STAG3: variants seen among roughly 807,000 people sequenced by gnomAD.
STAG3 encodes the protein cohesin subunit SA-3.
In STAG3, 101 loss-of-function variants were observed where a neutral mutation model predicts 160.7. That is an observed-to-expected ratio of 0.63 (90% confidence interval 0.54 to 0.74). STAG3 has a LOEUF of 0.74. Ranked by LOEUF, STAG3 falls within the 30% of genes least tolerant of loss-of-function variation. STAG3 has a pLI of 0.00. For synonymous variants in STAG3, 519 were observed against 585.0 expected (o/e 0.89, Z 1.63); for missense variants, 1,188 against 1,517.4 (o/e 0.78, Z 3.61).
Position 100,202,504 on chromosome 7 carries a change from C to T in STAG3, c.2614C>T (p.Arg872Cys), listed in dbSNP as rs748197666. ...LQIERLHQRR[R>C]LLAGFCKLLL... is the part of the protein sequence containing the mutation. ...GATAGAGCGGCTACACCAGCGGCGC[C>T]GCCTCCTAGCCGGGTTCTGCAAGCT... The change falls in exon 25 of 34, where the codon CGC becomes TGC. Residue 872 changes from arginine (R) to cysteine (C), a missense_variant. Around this residue, in one of 4 missense-constraint regions of STAG3, gnomAD observed 647 missense variants for 717.2 expected, o/e 0.90. Coordinates refer to ENST00000615138, the MANE Select transcript of STAG3 (RefSeq NM_001282717.2). 4.2e-5 allele frequency: 67 copies of T among 1,614,064 alleles called. No homozygotes were observed. The highest frequency in any genetic ancestry group is 8.3e-5 in the Admixed American group (5 of 59,998).
chr7:100,214,936 A>G (rs1433886691), downstream of STAG3: 3 of 151,964 alleles, frequency 2.0e-5, no homozygotes, highest in African/African-American at 4.8e-5. Flanking sequence ...TCTCTGGCCT[A>G]TGTCCTCCAC....
chr7:100,197,225 G>A lies in STAG3; in HGVS notation c.1011G>A (p.Thr337=), dbSNP rs145604769. The change falls in exon 10 of 34, where the codon ACG becomes ACA. Residue 337 remains threonine, a synonymous_variant. Transcript: ENST00000615138. ...GGTGTTGGATGCAAAGCTACAGCACGTCTTTCCTCACCGACAGCTATTTAA... is the reference window on the plus strand; with the variant it reads ...GGTGTTGGATGCAAAGCTACAGCACATCTTTCCTCACCGACAGCTATTTAA... ...EIGCWMQSYS[T]SFLTDSYLKY... is the part of the protein sequence containing the mutation. 2.0e-4 allele frequency: 317 copies of A among 1,602,384 alleles called. No homozygotes were observed. In the African/African-American group the frequency reaches 2.9e-3, roughly 15 times the overall value.
rs1802149947 is a variant in STAG3 at position 100,211,059 on chromosome 7, G to A, written c.3287G>A (p.Ser1096Asn). 2.5e-6 allele frequency: 4 copies of A among 1,613,988 alleles called. No homozygotes were observed. The East Asian group carries it at 8.9e-5, about 36-fold the overall frequency. ...GACGTCTCCTCGTCCCAGGAAGAAA[G>A]TCTGCAGCTGAACAGCATCCCGCCC... Reference protein sequence around the residue: ...REDVSSSQEESLQLNSIPPTP... With the variant: ...REDVSSSQEENLQLNSIPPTP... Residue 1096 changes from serine to asparagine, a missense_variant, in exon 30 of 34, where the codon AGT becomes AAT. Coordinates refer to ENST00000615138, the MANE Select transcript of STAG3 (RefSeq NM_001282717.2).
intron 8 of STAG3, among the ~76,000 whole-genome samples, chr7:100,194,286 CAT>C (rs1800542537): frequency 6.6e-6 from 1 of 152,152 alleles, no homozygotes; most frequent in Non-Finnish European, 1.5e-5. Flanking sequence ...AAGTGAGAAA[CAT>C]GTGACTCTTC....
At position 100,202,442 on chromosome 7, in the gene STAG3, C is replaced by T; in HGVS notation, c.2564-12C>T. ...AAGTCTGTGATTCCCTTTTGCCTTC[C>T]ATGTGAGCCAGGTGATTCCCAGGAG... On this transcript the variant is annotated splice_polypyrimidine_tract_variant and intron_variant, in intron 24 of 33. Coordinates refer to ENST00000615138, the MANE Select transcript of STAG3 (RefSeq NM_001282717.2). 1 of 1,611,878 alleles carries T rather than the reference C, an allele frequency of 6.2e-7. No homozygotes were observed. The highest frequency in any genetic ancestry group is 1.1e-5 in the South Asian group (1 of 91,008).
rs1799682552 is a variant in STAG3, at chr7:100,182,101, C to A, written c.128C>A (p.Ser43Tyr). 1 of 1,613,770 alleles carries A rather than the reference C, an allele frequency of 6.2e-7. No individual in the cohort carries two copies. The change falls in exon 3 of 34, where the codon TCT (serine) becomes TAT (tyrosine). Residue 43 changes from serine (S) to tyrosine (Y), a missense_variant. Physicochemically the swap from Ser to Tyr is moderately radical, Grantham distance 144. Transcript: ENST00000615138. ...ATACTTTCTCACAGGAATGGCGACT[C>A]TTTGTTAGCTGATGAAGACACTGAC... ...SNHTSEGNGD[S>Y]LLADEDTDFE...
intron 4 of STAG3, among the ~76,000 whole-genome samples, chr7:100,184,001 C>T (rs772527629): frequency 6.6e-5 from 10 of 152,214 alleles, no homozygotes; most frequent in Non-Finnish European, 1.3e-4. Context: ...CACAGTGGCT[C>T]ACACCTGTGA....
intron 32 of STAG3, chr7:100,213,185 C>A: frequency 4.7e-6 from 2 of 422,656 alleles, no homozygotes; most frequent in Non-Finnish European, 6.4e-6. Context: ...GAAGGGCATT[C>A]ATCCATCCAT....
intron 1 of STAG3, 31 bp from the exon 2 acceptor site, chr7:100,180,462 G>A (rs2117041988): frequency 1.3e-6 from 1 of 755,584 alleles, no homozygotes. Flanking sequence ...AAGTGCTGTG[G>A]TAGGAGCCCT....
chr7:100,182,925 A>G, intron 4 of STAG3, 86 bp downstream of exon 4: 1 of 1,467,408 alleles, frequency 6.8e-7, no homozygotes, highest in Non-Finnish European at 9.6e-7. Flanking sequence ...ATTTGACGTG[A>G]ACATTTTAGT....
chr7:100,214,072 G>A lies in STAG3; in HGVS notation c.*57G>A. Reference sequence around the variant, plus strand: ...CCTACCTCAAGAATGTGACCATTTGGAAAAGGCAAAGAGAAAAGGAGCAAA... The same window carrying A: ...CCTACCTCAAGAATGTGACCATTTGAAAAAGGCAAAGAGAAAAGGAGCAAA... On this transcript the variant is annotated 3_prime_UTR_variant, in exon 34 of 34. Transcript: ENST00000615138. 1 of 1,604,428 alleles carries A rather than the reference G, an allele frequency of 6.2e-7. No homozygotes were observed. Among genetic ancestry groups the A allele is most frequent in the Non-Finnish European group, 8.5e-7 (1 of 1,173,076 alleles).
intron 3 of STAG3, 106 bp from the exon 4 acceptor site, chr7:100,182,617 T>C (rs1383750377): frequency 5.4e-6 from 6 of 1,109,956 alleles, no homozygotes; most frequent in African/African-American, 4.7e-5. Context: ...TGCTGTGGAA[T>C]TGGCAGCTTA....
intron 8 of STAG3, 51 bp downstream of exon 8, chr7:100,189,647 C>T (rs373180442): frequency 1.0e-5 from 16 of 1,577,280 alleles, no homozygotes; most frequent in Middle Eastern, 1.9e-4. Flanking sequence ...CTTGCACCCA[C>T]TTCTGCCACA....
chr7:100,189,052 G>A, intron 7 of STAG3, 36 bp downstream of exon 7: 1 of 1,607,344 alleles, frequency 6.2e-7, no homozygotes. Flanking sequence ...ATTCTCCTGG[G>A]GATTTATAGG....
At chr7:100,196,069 C>T (rs962245695) in intron 9 of STAG3, among the ~76,000 whole-genome samples, 2 of 151,392 alleles carry the variant, frequency 1.3e-5, no homozygotes, top group African/African-American at 4.9e-5. Context: ...GTGGAGGTTG[C>T]GGTGAGCTGA....
intron 25 of STAG3, among the ~76,000 whole-genome samples, chr7:100,203,494 GT>G (rs1201241243): frequency 6.6e-6 from 1 of 151,134 alleles, no homozygotes; most frequent in East Asian, 2.0e-4. Flanking sequence ...TTCATTATTT[GT>G]TTTTTATTTT....
intron 9 of STAG3, among the ~76,000 whole-genome samples, chr7:100,196,802 G>A (rs945541844): frequency 3.3e-5 from 5 of 151,846 alleles, no homozygotes; most frequent in Non-Finnish European, 7.4e-5. Context: ...GCTGTACAAG[G>A]CTGGTGTTTA....
intron 32 of STAG3, chr7:100,213,506 C>A (rs1410503045): frequency 1.0e-6 from 1 of 985,242 alleles, no homozygotes. Context: ...AATCCGTTTT[C>A]TGGTTTCCAA....
chr7:100,200,102 AAAG>A (rs1800997092), intron 16 of STAG3, 131 bp from the exon 17 acceptor site: 3 of 614,694 alleles, frequency 4.9e-6, no homozygotes, highest in Non-Finnish European at 5.6e-6. Context: ...TTTCCAGAAA[AAAG>A]AAATCTCGTG....
Sources: gnomAD v4.1 joint callset for allele counts (sites outside exome capture counted in the v4.1 genomes callset) on GRCh38, gnomAD v4.1.1 for gene constraint, gnomAD v4.1.1 regional missense constraint, MANE v1.5 for transcripts, NCBI Gene and HGNC (gene_info 2026-07-23, HGNC 2026-07-21) for gene names.